Variants in ZNF140 observed in about 807,000 individuals in gnomAD.
ZNF140 encodes zinc finger protein 140, also known as zinc finger protein 140 (clone pHZ-39).
Under a neutral mutation model 12.9 loss-of-function variants are expected in ZNF140, and 13 were observed. The ratio of observed to expected loss-of-function variants is 1.01; its 90% CI spans 0.66 to 1.60. ZNF140 has a LOEUF of 1.60. Ranked by LOEUF, ZNF140 falls within the 40% of genes most tolerant of loss-of-function variation. The pLI, the probability that ZNF140 is intolerant of heterozygous loss-of-function variation, is 0.00. For synonymous variants in ZNF140, 214 were observed against 186.7 expected, an observed-to-expected ratio of 1.15 and a Z score of -1.19; for missense variants, 531 against 548.8, an observed-to-expected ratio of 0.97 and a Z score of 0.32.
intron 4 of ZNF140, among the ~76,000 whole-genome samples, chr12:133,095,760 GT>G (rs1349445292): frequency 6.6e-6 from 1 of 151,228 alleles, no homozygotes; most frequent in Non-Finnish European, 1.5e-5. Context: ...TCATAATTAG[GT>G]TTAAGGGAAG....
chr12:133,089,237 G>C (rs1954775661), intron 4 of ZNF140, among the ~76,000 whole-genome samples: 1 of 151,274 alleles, frequency 6.6e-6, no homozygotes, highest in Non-Finnish European at 1.5e-5. Context: ...TTTCGAGGCA[G>C]GGTCTCACTC....
intron 4 of ZNF140, among the ~76,000 whole-genome samples, chr12:133,091,871 G>A (rs1036368258): frequency 5.3e-5 from 8 of 151,044 alleles, no homozygotes; most frequent in African/African-American, 1.2e-4. Context: ...TGTAGACGGC[G>A]TTTAACCATG....
At chr12:133,096,664 GT>G (rs1349086767) in intron 4 of ZNF140, among the ~76,000 whole-genome samples, 1 of 152,156 alleles carries the variant, frequency 6.6e-6, no homozygotes. Flanking sequence ...ATATCCATGT[GT>G]TTTGAGATTT....
Position 133,091,106 on chromosome 12 carries a change from C to T in ZNF140, c.232+7545C>T, listed in dbSNP as rs1185129860. ...TTTTACTCATCCATCTCAGCACAGACCTTTTACAGGTGTCGGGCTGGGGGA... is the reference window on the plus strand; with the variant it reads ...TTTTACTCATCCATCTCAGCACAGATCTTTTACAGGTGTCGGGCTGGGGGA... On this transcript the variant is annotated intron_variant, in intron 4 of 4. Transcript: ENST00000355557. Among the ~76,000 whole-genome samples the T allele has an allele frequency of 1.1e-4, 16 of 149,434 alleles. 1 individual carries two copies. The South Asian group carries it at 3.4e-3, about 32-fold the overall frequency.
At chr12:133,105,062 CTTTT>C (rs1162727322) in intron 4 of ZNF140, among the ~76,000 whole-genome samples, 1 of 151,316 alleles carries the variant, frequency 6.6e-6, no homozygotes, top group East Asian at 1.9e-4. Flanking sequence ...AGAGAAACCG[CTTTT>C]TTTTTCATTT....
intron 4 of ZNF140, among the ~76,000 whole-genome samples, chr12:133,103,183 C>T (rs949509314): frequency 8.7e-5 from 12 of 137,192 alleles, no homozygotes; most frequent in Non-Finnish European, 1.5e-4. Context: ...GTGATAAGAG[C>T]ATTCAAAACT....
At chr12:133,081,355 A>G (rs1260803809) in intron 2 of ZNF140, 26 bp downstream of exon 2, 2 of 253,880 alleles carry the variant, frequency 7.9e-6, no homozygotes, top group African/African-American at 5.6e-5. Context: ...ATAAATATAT[A>G]TATATATATA....
chr12:133,099,472 C>T (rs1241057399), intron 4 of ZNF140, among the ~76,000 whole-genome samples: 5 of 152,158 alleles, frequency 3.3e-5, no homozygotes, highest in Non-Finnish European at 7.3e-5. Context: ...CCACTGTGCC[C>T]GGCCAATACA....
intron 4 of ZNF140, among the ~76,000 whole-genome samples, chr12:133,102,092 A>G (rs1371147493): frequency 6.6e-6 from 1 of 152,184 alleles, no homozygotes; most frequent in Non-Finnish European, 1.5e-5. Flanking sequence ...TTGTAATCTT[A>G]AAATCATGGT....
chr12:133,086,883 A>G (rs1954694220), intron 4 of ZNF140, among the ~76,000 whole-genome samples: 1 of 152,220 alleles, frequency 6.6e-6, no homozygotes, highest in African/African-American at 2.4e-5. Context: ...CCATTTATTG[A>G]TAGATCAACC....
At chr12:133,103,906 C>T (rs1370131688) in intron 4 of ZNF140, among the ~76,000 whole-genome samples, 3 of 152,184 alleles carry the variant, frequency 2.0e-5, no homozygotes, top group African/African-American at 7.2e-5. Context: ...AATGTTTTAT[C>T]TGCATTGACA....
rs768146427 is a variant in ZNF140 at position 133,106,425 on chromosome 12, A to T, written c.1148A>T (p.Lys383Ile). ...IQHTKSHTGE[K>I]PYACAECDKA... is the part of the protein sequence containing the mutation. ...CATACGAAGAGTCACACTGGAGAGA[A>T]ACCCTATGCGTGTGCTGAATGTGAT... The change falls in exon 5 of 5, where the codon AAA (lysine) becomes ATA (isoleucine). Residue 383 changes from lysine (K) to isoleucine (I), a missense_variant. By Grantham distance (102) the Lys-to-Ile change is moderately radical. Coordinates refer to ENST00000355557, the MANE Select transcript of ZNF140 (RefSeq NM_003440.4). The T allele has an allele frequency of 6.2e-7, 1 of 1,614,134 alleles. No homozygotes were observed. Among genetic ancestry groups the T allele is most frequent in the South Asian group, 1.1e-5 (1 of 91,082 alleles).
chr12:133,095,876 G>A (rs796351200), intron 4 of ZNF140, among the ~76,000 whole-genome samples: 3,509 of 150,262 alleles, frequency 0.023, 45 homozygotes, highest in African/African-American at 0.082. Context: ...AACATATCTC[G>A]CCTCCCACCA....
chr12:133,104,653 G>A (rs1955514096), intron 4 of ZNF140, among the ~76,000 whole-genome samples: 1 of 152,132 alleles, frequency 6.6e-6, no homozygotes, highest in African/African-American at 2.4e-5. Context: ...GCCCGGCCAA[G>A]AGTATGAATG....
chr12:133,103,445 T>TTG (rs141115431), intron 4 of ZNF140, among the ~76,000 whole-genome samples: 7 of 142,408 alleles, frequency 4.9e-5, no homozygotes, highest in Non-Finnish European at 7.7e-5. Context: ...TTTTTTTTTT[T>TTG]GGGTAAAGAC....
At chr12:133,093,972 A>G (rs1954984458) in intron 4 of ZNF140, among the ~76,000 whole-genome samples, 1 of 150,694 alleles carries the variant, frequency 6.6e-6, no homozygotes, top group African/African-American at 2.5e-5. Context: ...TCTCTCCTTC[A>G]CACTTAGTCT....
rs781147648 is a variant in ZNF140, at chr12:133,106,256, AC to A, written c.983del (p.Pro328ArgfsTer163). 1.2e-6 allele frequency: 2 copies of A among 1,613,990 alleles called. No homozygotes were observed. Among genetic ancestry groups the A allele is most frequent in the South Asian group, 2.2e-5 (2 of 91,064 alleles). Reference protein sequence around the residue: ...TRHQSIHTTKTPYECNECRKA... With the variant: ...TRHQSIHTTKXPYECNECRKA... ...ACATCAGAGCATCCATACAACCAAAACCCCGTATGAATGTAATGAATGTAGG... is the reference window on the plus strand; with the variant it reads ...ACATCAGAGCATCCATACAACCAAAACCCGTATGAATGTAATGAATGTAGG... On this transcript the variant is annotated frameshift_variant, in exon 5 of 5. Coordinates refer to ENST00000355557, the MANE Select transcript of ZNF140 (RefSeq NM_003440.4). LOFTEE classifies it low-confidence loss of function (END_TRUNC).
chr12:133,086,553 CTT>C (rs1954682280), intron 4 of ZNF140, among the ~76,000 whole-genome samples: 1 of 152,026 alleles, frequency 6.6e-6, no homozygotes, highest in African/African-American at 2.4e-5. Flanking sequence ...GATAGAAATC[CTT>C]TGCTAATTGT....
Position 133,106,623 on chromosome 12 carries a change from A to C in ZNF140, c.1346A>C (p.Tyr449Ser). Reference protein sequence around the residue: ...NPYEYENSFNYHSFLTEHQ With the variant: ...NPYEYENSFNSHSFLTEHQ ...TATGAATATGAAAATTCATTTAATT[A>C]CCACTCATTCCTTACTGAACACCAG... The change falls in exon 5 of 5, where the codon TAC becomes TCC. Residue 449 changes from tyrosine (Y) to serine (S), a missense_variant. Tyr to Ser is a moderately radical substitution (Grantham distance 144). Coordinates refer to ENST00000355557, the MANE Select transcript of ZNF140 (RefSeq NM_003440.4). 1.2e-6 allele frequency: 2 copies of C among 1,601,744 alleles called. No individual in the cohort carries two copies. Among genetic ancestry groups the C allele is most frequent in the Non-Finnish European group, 1.7e-6 (2 of 1,176,090 alleles).
Sources: allele counts gnomAD v4.1 joint callset (sites outside exome capture counted in the v4.1 genomes callset), GRCh38; gene constraint gnomAD v4.1.1; transcripts MANE v1.5; gene names NCBI Gene and HGNC (gene_info 2026-07-23, HGNC 2026-07-21).